The following ADGRL2 variants were observed in gnomAD, a reference collection of about 807,000 sequenced individuals.
The protein encoded by ADGRL2 is adhesion G protein-coupled receptor L2, also known as calcium-independent alpha-latrotoxin receptor 2.
A neutral mutation model predicts 157.4 loss-of-function variants in ADGRL2; 44 were observed. The observed-to-expected ratio is 0.28, with a 90% CI of 0.22 to 0.36. ADGRL2 has a LOEUF of 0.36. Ranked by LOEUF, ADGRL2 falls within the 10% of genes least tolerant of loss-of-function variation. ADGRL2 has a pLI of 1.00. For synonymous variants in ADGRL2, 585 were observed against 624.7 expected (o/e 0.94, Z 0.95); for missense variants, 1,510 against 1,768.9 (o/e 0.85, Z 2.63).
Position 81,387,846 on chromosome 1 carries a change from C to A in ADGRL2, c.-301-57190C>A, listed in dbSNP as rs142762232. Among the ~76,000 whole-genome samples the A allele has an allele frequency of 3.7e-4, 56 of 152,118 alleles. No homozygotes were observed. In the East Asian group the frequency reaches 0.01, roughly 28 times the overall value. ...CTTCCAGTAATACCTCTGTCTAATC[C>A]TCTCTCAACTCTCCTATGGGACTCT... On this transcript the variant is annotated intron_variant, in intron 1 of 24. Transcript: ENST00000370721.
chr1:81,438,284 A>C (rs557384951), intron 1 of ADGRL2, among the ~76,000 whole-genome samples: 8 of 152,340 alleles, frequency 5.3e-5, no homozygotes, highest in African/African-American at 1.9e-4. Context: ...GAATTTGGCA[A>C]GCTGTTTGTT....
chr1:81,673,681 AT>A (rs1254816036), intron 3 of ADGRL2, among the ~76,000 whole-genome samples: 1 of 151,534 alleles, frequency 6.6e-6, no homozygotes, highest in East Asian at 1.9e-4. Flanking sequence ...CGCCCAGCTA[AT>A]TTTTTTGTAT....
chr1:81,981,913 C>T lies in ADGRL2; in HGVS notation c.3219C>T (p.Phe1073=). 3 of 1,612,212 alleles carry T rather than the reference C, an allele frequency of 1.9e-6. No homozygotes were observed. Among genetic ancestry groups the T allele is most frequent in the Non-Finnish European group, 2.5e-6 (3 of 1,178,790 alleles). The change falls in exon 19 of 24, where the codon TTC becomes TTT. Residue 1073 remains phenylalanine, a synonymous_variant. Transcript: ENST00000686636. ...NEETIVMAYL[F]TIFNAFQGVF... ...AGACTATTGTGATGGCATATCTCTT[C>T]ACTATATTTAATGCTTTCCAGGGAG...
intron 6 of ADGRL2, among the ~76,000 whole-genome samples, chr1:81,945,065 C>T (rs1325838177): frequency 1.8e-4 from 28 of 151,938 alleles, no homozygotes; most frequent in Admixed American, 1.8e-3. Flanking sequence ...ATAGTTGTAG[C>T]AGTAATGTTC....
At chr1:81,829,948 A>G (rs1432463192) in intron 1 of ADGRL2, among the ~76,000 whole-genome samples, 1 of 152,158 alleles carries the variant, frequency 6.6e-6, no homozygotes, top group Admixed American at 6.5e-5. Context: ...TGACCTCTTC[A>G]TTAAGATGAC....
chr1:81,904,331 G>T (rs191279426), intron 2 of ADGRL2, among the ~76,000 whole-genome samples: 163 of 152,232 alleles, frequency 1.1e-3, no homozygotes, highest in Non-Finnish European at 1.8e-3. Context: ...ATTTAGAAAA[G>T]AACATTAATG....
chr1:81,623,264 A>C (rs1317400500), intron 3 of ADGRL2, among the ~76,000 whole-genome samples: 1 of 152,238 alleles, frequency 6.6e-6, no homozygotes, highest in Non-Finnish European at 1.5e-5. Context: ...CAAGACATTG[A>C]CAGATATTTC....
intron 3 of ADGRL2, among the ~76,000 whole-genome samples, chr1:81,676,593 C>T (rs9662767): frequency 0.25 from 37,738 of 150,782 alleles, 5,486 homozygotes; most frequent in South Asian, 0.35. Context: ...GAGCCACCAT[C>T]CTGGGCCCTG....
chr1:81,527,506 G>C (rs1169510369), intron 2 of ADGRL2, among the ~76,000 whole-genome samples: 1 of 152,166 alleles, frequency 6.6e-6, no homozygotes, highest in Non-Finnish European at 1.5e-5. Flanking sequence ...AAGTTCAGGA[G>C]TTCGAGACCA....
chr1:81,928,185 T>C (rs1232931052), intron 3 of ADGRL2, among the ~76,000 whole-genome samples: 1 of 152,072 alleles, frequency 6.6e-6, no homozygotes. Context: ...TCAGTTGGAA[T>C]TTGCTAGTGT....
At chr1:81,447,230 T>C (rs1407888469) in intron 2 of ADGRL2, among the ~76,000 whole-genome samples, 2 of 152,192 alleles carry the variant, frequency 1.3e-5, no homozygotes, top group Non-Finnish European at 2.9e-5. Context: ...TTTTTCTTTT[T>C]CCTGACTTAA....
chr1:81,946,979 C>T (rs528487051), intron 6 of ADGRL2, among the ~76,000 whole-genome samples: 1 of 152,210 alleles, frequency 6.6e-6, no homozygotes, highest in South Asian at 2.1e-4. Flanking sequence ...TAGTACATAA[C>T]CAGAGTAAAC....
chr1:81,882,490 G>A (rs774928738), intron 2 of ADGRL2, among the ~76,000 whole-genome samples: 64 of 152,116 alleles, frequency 4.2e-4, no homozygotes, highest in Non-Finnish European at 7.6e-4. Flanking sequence ...AACAGTAAAT[G>A]TGAAAGCAAT....
At chr1:81,669,336 G>A (rs1570784160) in intron 3 of ADGRL2, among the ~76,000 whole-genome samples, 1 of 152,062 alleles carries the variant, frequency 6.6e-6, no homozygotes, top group Non-Finnish European at 1.5e-5. Flanking sequence ...ATCATTTAGA[G>A]CCCAGGAGCT....
chr1:81,637,845 T>G (rs1315865571), intron 3 of ADGRL2, among the ~76,000 whole-genome samples: 4 of 152,078 alleles, frequency 2.6e-5, no homozygotes, highest in African/African-American at 2.4e-5. Flanking sequence ...AACTTAAAAT[T>G]CAGCGTACCA....
At chr1:81,853,803 A>G (rs1034175347) in intron 2 of ADGRL2, among the ~76,000 whole-genome samples, 11 of 152,078 alleles carry the variant, frequency 7.2e-5, no homozygotes, top group African/African-American at 2.4e-4. Context: ...ATAATATACT[A>G]TGATGTTTGA....
At chr1:81,763,571 A>G (rs1474714765) in intron 2 of ADGRL2, among the ~76,000 whole-genome samples, 1 of 139,826 alleles carries the variant, frequency 7.2e-6, no homozygotes, top group East Asian at 2.4e-4. Context: ...TCTCGGTGAC[A>G]GAGCAAGATT....
chr1:81,983,739 A>G (rs1008088117), intron 19 of ADGRL2, among the ~76,000 whole-genome samples: 1 of 152,054 alleles, frequency 6.6e-6, no homozygotes, highest in Non-Finnish European at 1.5e-5. Flanking sequence ...TTAATTCTGT[A>G]CCACTGCTTT....
At chr1:81,683,957 C>T (rs2083175831) in intron 3 of ADGRL2, among the ~76,000 whole-genome samples, 1 of 152,064 alleles carries the variant, frequency 6.6e-6, no homozygotes, top group Non-Finnish European at 1.5e-5. Flanking sequence ...GCTTGGATTA[C>T]AGGCGCACGC....
Sources: gnomAD v4.1 joint callset for allele counts (sites outside exome capture counted in the v4.1 genomes callset) on GRCh38, gnomAD v4.1.1 for gene constraint, MANE v1.5 for transcripts, NCBI Gene and HGNC (gene_info 2026-07-23, HGNC 2026-07-21) for gene names.